Variants in VLDLR observed in about 807,000 individuals in gnomAD.
VLDLR encodes the protein very low-density lipoprotein receptor.
VLDLR carries 81 observed loss-of-function variants against 112.7 expected under a neutral mutation model. The ratio of observed to expected loss-of-function variants is 0.72; its 90% CI spans 0.60 to 0.86. The LOEUF is 0.86. Ranked by LOEUF, VLDLR falls within the 40% of genes least tolerant of loss-of-function variation. The pLI, the probability that VLDLR is intolerant of heterozygous loss-of-function variation, is 0.00. For synonymous variants in VLDLR, 436 were observed against 384.8 expected (o/e 1.13, Z -1.56); for missense variants, 1,237 against 1,099.4 (o/e 1.13, Z -1.77).
chr9:2,633,049 A>AGT (rs1258054088), intron 1 of VLDLR, among the ~76,000 whole-genome samples: 11,784 of 106,934 alleles, frequency 0.11, 568 homozygotes, highest in South Asian at 0.2. Context: ...AGAGAGAGAG[A>AGT]GAGTGTGTGT....
At chr9:2,629,470 C>G (rs1817241452) in intron 1 of VLDLR, among the ~76,000 whole-genome samples, 1 of 152,208 alleles carries the variant, frequency 6.6e-6, no homozygotes, top group South Asian at 2.1e-4. Flanking sequence ...GGGTTCAACT[C>G]CTAGCTCTGC....
At chr9:2,630,786 A>C (rs1817315136) in intron 1 of VLDLR, among the ~76,000 whole-genome samples, 1 of 152,238 alleles carries the variant, frequency 6.6e-6, no homozygotes, top group African/African-American at 2.4e-5. Context: ...TTTATGAAAG[A>C]GACCTCAAAA....
intron 1 of VLDLR, among the ~76,000 whole-genome samples, chr9:2,623,122 C>A (rs759323686): frequency 5.9e-5 from 9 of 152,214 alleles, no homozygotes; most frequent in Non-Finnish European, 1.3e-4. Flanking sequence ...AGCCTTCATT[C>A]TACACAATAG....
chr9:2,648,642 C>T (rs756489615), intron 13 of VLDLR, 27 bp from the exon 14 acceptor site: 4 of 1,614,118 alleles, frequency 2.5e-6, no homozygotes, highest in Non-Finnish European at 3.4e-6. Context: ...CCTGGATGTA[C>T]ATGCTAATTG....
rs1308352784 is a variant in VLDLR at position 2,656,462 on chromosome 9, AAT to A, written c.*2596_*2597del. 1.3e-5 allele frequency: 2 copies of A among 152,008 alleles called. No individual in the cohort carries two copies. Among genetic ancestry groups the A allele is most frequent in the African/African-American group, 2.4e-5 (1 of 41,396 alleles). 9.4% of individuals were successfully genotyped at this position (152,008 alleles called of 1,614,324 possible). Reference sequence around the variant, plus strand: ...AAAATTTATAAAAATAAAAGAAAAAAATAGTTATATGACTAAACTACTAGTCA... The same window carrying A: ...AAAATTTATAAAAATAAAAGAAAAAAAGTTATATGACTAAACTACTAGTCA... On this transcript the variant is annotated 3_prime_UTR_variant, in exon 19 of 19. Coordinates refer to ENST00000382100, the MANE Select transcript of VLDLR (RefSeq NM_003383.5).
At chr9:2,641,268 G>A (rs1018623427) in intron 3 of VLDLR, 109 bp from the exon 4 acceptor site, 30 of 1,556,022 alleles carry the variant, frequency 1.9e-5, no homozygotes, top group Non-Finnish European at 2.6e-5. Flanking sequence ...AATTTCACCA[G>A]TGTGCCAGGC....
rs1481823223 is a variant in VLDLR at position 2,643,551 on chromosome 9, G to A, written c.820+20G>A. The stretch of plus-strand genomic sequence containing the variant: ...ACTGTCGTAAGTAGCTTTCTAGCAT[G>A]GCATGTTCAGTTCTCTTCCCTGTAT... On this transcript the variant is annotated intron_variant, in intron 5 of 18. Coordinates refer to ENST00000382100, the MANE Select transcript of VLDLR (RefSeq NM_003383.5). 1 of 1,614,164 alleles carries A rather than the reference G, an allele frequency of 6.2e-7. No homozygotes were observed. Among genetic ancestry groups the A allele is most frequent in the Admixed American group, 1.7e-5 (1 of 60,030 alleles).
chr9:2,631,162 C>T (rs1011208262), intron 1 of VLDLR, among the ~76,000 whole-genome samples: 1 of 152,096 alleles, frequency 6.6e-6, no homozygotes, highest in African/African-American at 2.4e-5. Flanking sequence ...AGACAAAATA[C>T]AACAGATGTT....
intron 1 of VLDLR, among the ~76,000 whole-genome samples, chr9:2,624,737 G>A (rs1817011080): frequency 6.6e-6 from 1 of 152,158 alleles, no homozygotes; most frequent in East Asian, 1.9e-4. Context: ...AGTAAACTTG[G>A]CTCATCCAGA....
rs547022862 is a variant in VLDLR, at chr9:2,651,566, A to T, written c.2335+68A>T. ...CCACACTCTTTGTATCTACAGCTTA[A>T]ATAATTAATGCAGCCTTTAACTACT... On this transcript the variant is annotated intron_variant, in intron 16 of 18. Coordinates refer to ENST00000382100, the MANE Select transcript of VLDLR (RefSeq NM_003383.5). The T allele has an allele frequency of 9.3e-5, 129 of 1,384,136 alleles. No individual in the cohort carries two copies. The South Asian group carries it at 1.1e-3, about 11-fold the overall frequency. 85.7% of individuals were successfully genotyped at this position (1,384,136 alleles called of 1,614,324 possible). A position where few individuals can be genotyped will look rare whatever the true frequency, so the allele number is the denominator to read the frequency against.
chr9:2,646,241 C>G, intron 10 of VLDLR, 93 bp from the exon 11 acceptor site: 1 of 1,235,052 alleles, frequency 8.1e-7, no homozygotes, highest in Non-Finnish European at 1.2e-6. Flanking sequence ...TCTTTCTGAA[C>G]AAAGTCATTG....
At chr9:2,622,331 C>A in intron 1 of VLDLR, 60 bp downstream of exon 1, 2 of 1,379,878 alleles carry the variant, frequency 1.4e-6, no homozygotes, top group Non-Finnish European at 1.9e-6. Flanking sequence ...CCGGGAGACC[C>A]CGAGGCGTAG....
At position 2,646,186 on chromosome 9, in the gene VLDLR, C is replaced by T. The variant is rs528705611; in HGVS notation, c.1485-148C>T. On this transcript the variant is annotated intron_variant, in intron 10 of 18. Transcript: ENST00000382100. ...TTATTAATTTAGGATCAGTAAGCAG[C>T]ATGGTTAAATAATTTGAGTGGTGAG... 5.7e-5 allele frequency: 43 copies of T among 752,074 alleles called. No individual in the cohort carries two copies. In the African/African-American group the frequency reaches 6.6e-4, roughly 12 times the overall value. The allele number at this position is 752,074 out of a possible 1,614,324, so 46.6% of individuals were successfully genotyped here.
intron 2 of VLDLR, among the ~76,000 whole-genome samples, chr9:2,638,782 C>T (rs1041078649): frequency 1.3e-5 from 2 of 152,214 alleles, no homozygotes; most frequent in Admixed American, 6.5e-5. Flanking sequence ...GAATTAGCAA[C>T]AGAATCAATT....
At position 2,643,461 on chromosome 9, in the gene VLDLR, G is replaced by T. The variant is rs1462054156; in HGVS notation, c.750G>T (p.Glu250Asp). The change falls in exon 5 of 19, where the codon GAG becomes GAT. Residue 250 changes from glutamate to aspartate, a missense_variant. Transcript: ENST00000382100. ...PASEIQCGSG[E>D]CIHKKWRCDG... is the part of the protein sequence containing the mutation. ...GCGAAATCCAGTGCGGCTCTGGCGA[G>T]TGCATCCATAAGAAGTGGCGATGTG... The T allele has an allele frequency of 1.2e-6, 2 of 1,614,204 alleles. No homozygotes were observed. The highest frequency in any genetic ancestry group is 8.5e-7 in the Non-Finnish European group (1 of 1,180,036).
At chr9:2,645,855 C>T (rs948064565) in intron 10 of VLDLR, 110 bp downstream of exon 10, 64 of 1,252,036 alleles carry the variant, frequency 5.1e-5, no homozygotes, top group African/African-American at 7.4e-5. Context: ...CATCTAGCAT[C>T]GAATTACCTG....
intron 2 of VLDLR, among the ~76,000 whole-genome samples, chr9:2,638,126 G>C (rs1426774795): frequency 6.6e-6 from 1 of 152,160 alleles, no homozygotes; most frequent in Non-Finnish European, 1.5e-5. Flanking sequence ...ACCTTGAATA[G>C]CACTTAATTC....
intron 1 of VLDLR, 107 bp downstream of exon 1, chr9:2,622,378 C>G: frequency 1.1e-6 from 1 of 951,940 alleles, no homozygotes; most frequent in South Asian, 2.4e-5. Context: ...GGAGGCGCCT[C>G]TCGGTTCTCC....
chr9:2,642,045 G>A (rs558936562), intron 4 of VLDLR, among the ~76,000 whole-genome samples: 1 of 151,558 alleles, frequency 6.6e-6, no homozygotes. Flanking sequence ...TACCCAACTG[G>A]TGATACCTTT....
Sources: gnomAD v4.1 joint callset for allele counts (sites outside exome capture counted in the v4.1 genomes callset) on GRCh38, gnomAD v4.1.1 for gene constraint, MANE v1.5 for transcripts, NCBI Gene and HGNC (gene_info 2026-07-23, HGNC 2026-07-21) for gene names.